GRM8: variants seen among roughly 807,000 people sequenced by gnomAD.
GRM8 encodes metabotropic glutamate receptor 8.
GRM8 carries 47 observed loss-of-function variants against 87.2 expected under a neutral mutation model. The ratio of observed to expected loss-of-function variants is 0.54; its 90% CI spans 0.43 to 0.69. The LOEUF is 0.69. Among genes scored for constraint, GRM8 ranks in the 30% least tolerant of loss-of-function variants. GRM8 has a pLI of 0.00. For missense variants in GRM8, 1,019 were observed against 1,139.2 expected, an observed-to-expected ratio of 0.89 and a Z score of 1.52; for synonymous variants, 396 against 404.5, an observed-to-expected ratio of 0.98 and a Z score of 0.25.
At chr7:127,188,252 A>T (rs922864419) in intron 2 of GRM8, among the ~76,000 whole-genome samples, 5 of 152,260 alleles carry the variant, frequency 3.3e-5, no homozygotes, top group African/African-American at 1.2e-4. Context: ...GGCCCAAGTC[A>T]TATAACTAGT....
chr7:126,712,227 C>A (rs1221294156), intron 7 of GRM8, among the ~76,000 whole-genome samples: 1 of 151,738 alleles, frequency 6.6e-6, no homozygotes, highest in Non-Finnish European at 1.5e-5. Flanking sequence ...TACGGAGGCC[C>A]AAAGAGAGAA....
intron 3 of GRM8, among the ~76,000 whole-genome samples, chr7:126,963,279 T>G (rs1008056023): frequency 1.6e-4 from 25 of 152,244 alleles, no homozygotes; most frequent in Non-Finnish European, 4.4e-5. Flanking sequence ...AATCATCAGT[T>G]TATTTCTGTT....
At chr7:127,208,332 T>C (rs1395460468) in intron 2 of GRM8, among the ~76,000 whole-genome samples, 1 of 152,180 alleles carries the variant, frequency 6.6e-6, no homozygotes, top group Admixed American at 6.6e-5. Flanking sequence ...TGAATATGTA[T>C]ACTTGGCCAA....
At chr7:126,596,846 T>C (rs1375244356) in intron 8 of GRM8, among the ~76,000 whole-genome samples, 1 of 152,126 alleles carries the variant, frequency 6.6e-6, no homozygotes, top group Non-Finnish European at 1.5e-5. Flanking sequence ...TTGCAAAATG[T>C]TATCATTGGA....
chr7:127,014,477 C>A (rs1169078837), intron 3 of GRM8, among the ~76,000 whole-genome samples: 2 of 152,204 alleles, frequency 1.3e-5, no homozygotes, highest in African/African-American at 2.4e-5. Context: ...TCTGACTCTG[C>A]CACTTGCTAG....
chr7:126,831,124 C>A (rs1220693947), intron 6 of GRM8, among the ~76,000 whole-genome samples: 1 of 152,180 alleles, frequency 6.6e-6, no homozygotes, highest in Non-Finnish European at 1.5e-5. Context: ...CTGGGGGGTG[C>A]CTCCCAGTTA....
chr7:126,596,523 G>T (rs1292646419), intron 8 of GRM8, among the ~76,000 whole-genome samples: 1 of 152,074 alleles, frequency 6.6e-6, no homozygotes. Flanking sequence ...TTCTAGAAAT[G>T]ACAAAATTAT....
At chr7:126,607,626 G>A (rs1585204148) in intron 8 of GRM8, among the ~76,000 whole-genome samples, 1 of 152,126 alleles carries the variant, frequency 6.6e-6, no homozygotes, top group East Asian at 1.9e-4. Context: ...CAGAACAGAA[G>A]AAGAATATTT....
chr7:126,845,087 G>A (rs776316300), intron 6 of GRM8, among the ~76,000 whole-genome samples: 1 of 152,198 alleles, frequency 6.6e-6, no homozygotes, highest in Non-Finnish European at 1.5e-5. Context: ...GCAAGAAGTA[G>A]TGATGGGCTA....
intron 2 of GRM8, among the ~76,000 whole-genome samples, chr7:127,142,303 C>G (rs1321901972): frequency 6.6e-6 from 1 of 152,094 alleles, no homozygotes; most frequent in Non-Finnish European, 1.5e-5. Flanking sequence ...ATTTTACTAG[C>G]ATGCAGTTGG....
chr7:126,986,030 T>A (rs1372337576), intron 3 of GRM8, among the ~76,000 whole-genome samples: 1 of 152,154 alleles, frequency 6.6e-6, no homozygotes, highest in African/African-American at 2.4e-5. Flanking sequence ...TTTTTTTTTT[T>A]AGACAGGGTC....
chr7:126,625,392 A>T (rs17611244), intron 7 of GRM8, among the ~76,000 whole-genome samples: 2,780 of 152,168 alleles, frequency 0.018, 43 homozygotes, highest in Non-Finnish European at 0.028. Context: ...ATGTGTGCCC[A>T]ATTTTAGGTT....
intron 7 of GRM8, among the ~76,000 whole-genome samples, chr7:126,700,147 A>G (rs1421086393): frequency 6.6e-6 from 1 of 152,142 alleles, no homozygotes; most frequent in Non-Finnish European, 1.5e-5. Flanking sequence ...CACATCAGTA[A>G]CTGCAGGTTG....
intron 3 of GRM8, among the ~76,000 whole-genome samples, chr7:127,070,234 G>GTGGA (rs1376512616): frequency 6.6e-6 from 1 of 152,134 alleles, no homozygotes; most frequent in Non-Finnish European, 1.5e-5. Context: ...ACTCACTTAT[G>GTGGA]TGTGTATCTG....
At chr7:127,034,471 C>G (rs1485584272) in intron 3 of GRM8, among the ~76,000 whole-genome samples, 1 of 152,202 alleles carries the variant, frequency 6.6e-6, no homozygotes, top group African/African-American at 2.4e-5. Context: ...GGTAAAGCAG[C>G]TAATCCACTG....
intron 7 of GRM8, among the ~76,000 whole-genome samples, chr7:126,735,458 G>C (rs978852386): frequency 6.6e-6 from 1 of 151,908 alleles, no homozygotes; most frequent in African/African-American, 2.4e-5. Context: ...TGAATGTGTG[G>C]GAAGATAGAT....
intron 7 of GRM8, among the ~76,000 whole-genome samples, chr7:126,668,777 T>A (rs1434296295): frequency 6.6e-6 from 1 of 151,674 alleles, no homozygotes; most frequent in Non-Finnish European, 1.5e-5. Flanking sequence ...ACTTTTAAAG[T>A]TTTTTTTTAG....
chr7:126,538,835 G>A (rs943740115), intron 8 of GRM8, among the ~76,000 whole-genome samples: 5 of 151,876 alleles, frequency 3.3e-5, no homozygotes, highest in African/African-American at 1.2e-4. Context: ...GCCATATTTT[G>A]CATATCACAT....
At chr7:126,609,552 G>C (rs915901400) in intron 7 of GRM8, 54 bp from the exon 8 acceptor site, 4 of 1,387,426 alleles carry the variant, frequency 2.9e-6, no homozygotes, top group South Asian at 1.3e-5. Context: ...TAGCCCACTG[G>C]GTTTATTTTT....
Sources: allele counts gnomAD v4.1 joint callset (sites outside exome capture counted in the v4.1 genomes callset), GRCh38; gene constraint gnomAD v4.1.1; transcripts MANE v1.5; gene names NCBI Gene and HGNC (gene_info 2026-07-23, HGNC 2026-07-21).